Variants in NIBAN1 observed in about 807,000 individuals in gnomAD.
NIBAN1 encodes niban apoptosis regulator 1, also known as protein Niban 1.
Under a neutral mutation model 75.1 loss-of-function variants are expected in NIBAN1, and 81 were observed. That is an observed-to-expected ratio of 1.08 (90% CI 0.90 to 1.30). NIBAN1 has a LOEUF of 1.30. NIBAN1 is among the 50% of genes most tolerant of loss of function. The pLI, the probability that NIBAN1 is intolerant of heterozygous loss-of-function variation, is 0.00. For missense variants in NIBAN1, 1,133 were observed against 1,128.1 expected (o/e 1.00, Z -0.06); for synonymous variants, 436 against 424.8 (o/e 1.03, Z -0.32).
intron 1 of NIBAN1, among the ~76,000 whole-genome samples, chr1:184,952,298 G>A (rs903824886): frequency 1.3e-5 from 2 of 152,222 alleles, no homozygotes; most frequent in African/African-American, 4.8e-5. Flanking sequence ...CAGCTACTCA[G>A]GAGGCTGAGG....
chr1:184,918,174 C>A (rs1039670430), intron 1 of NIBAN1, among the ~76,000 whole-genome samples: 2 of 152,178 alleles, frequency 1.3e-5, no homozygotes, highest in Non-Finnish European at 2.9e-5. Context: ...TCAGAATCAT[C>A]CTTTTGGATC....
chr1:184,819,515 A>G (rs1654633433), intron 8 of NIBAN1, among the ~76,000 whole-genome samples: 1 of 152,214 alleles, frequency 6.6e-6, no homozygotes, highest in African/African-American at 2.4e-5. Context: ...TTTGATTTAG[A>G]AGAGGGAGAG....
chr1:184,899,593 G>A (rs534617524), intron 1 of NIBAN1, among the ~76,000 whole-genome samples: 33 of 152,012 alleles, frequency 2.2e-4, no homozygotes, highest in Non-Finnish European at 3.2e-4. Flanking sequence ...ACTAAATCCC[G>A]TAACCTATTG....
chr1:184,957,668 T>G (rs1658525030), intron 1 of NIBAN1, among the ~76,000 whole-genome samples: 1 of 152,194 alleles, frequency 6.6e-6, no homozygotes, highest in Non-Finnish European at 1.5e-5. Flanking sequence ...TTACATTATA[T>G]TATTCATTTC....
chr1:184,935,226 G>C (rs760196378), intron 1 of NIBAN1, among the ~76,000 whole-genome samples: 75 of 152,110 alleles, frequency 4.9e-4, no homozygotes, highest in Non-Finnish European at 9.6e-4. Flanking sequence ...TAAAAAATAA[G>C]ATCCGAGGCT....
At position 184,795,302 on chromosome 1, in the gene NIBAN1, G is replaced by T. The variant is rs145065110; in HGVS notation, c.2462C>A (p.Thr821Lys). The T allele has an allele frequency of 6.2e-7, 1 of 1,612,414 alleles. No individual in the cohort carries two copies. Among genetic ancestry groups the T allele is most frequent in the Admixed American group, 1.7e-5 (1 of 60,026 alleles). ...MEGELPGEAC[T>K]LTAHEGRGGK... is the part of the protein sequence containing the mutation. ...CCCTCTTCCTTCATGGGCAGTGAGT[G>T]TGCAGGCCTCTCCTGGGAGCTCCCC... Residue 821 changes from threonine to lysine, a missense_variant, in exon 14 of 14, where the codon ACA becomes AAA. Thr to Lys is a moderately conservative substitution (Grantham distance 78). Transcript: ENST00000367511.
At chr1:184,948,287 T>C (rs1658278733) in intron 1 of NIBAN1, among the ~76,000 whole-genome samples, 1 of 152,220 alleles carries the variant, frequency 6.6e-6, no homozygotes, top group South Asian at 2.1e-4. Flanking sequence ...AGCATATATG[T>C]ATTCATTTAT....
intron 5 of NIBAN1, among the ~76,000 whole-genome samples, chr1:184,863,985 G>A (rs971026895): frequency 6.6e-6 from 1 of 152,138 alleles, no homozygotes; most frequent in East Asian, 1.9e-4. Flanking sequence ...TTCAATAATT[G>A]GTTGCTAGTA....
chr1:184,970,116 G>A (rs1015194107), intron 1 of NIBAN1, among the ~76,000 whole-genome samples: 9 of 148,718 alleles, frequency 6.1e-5, no homozygotes, highest in African/African-American at 2.3e-4. Context: ...GCTGCAGTGA[G>A]CCATGACTGT....
At chr1:184,876,574 G>C (rs944100154) in intron 5 of NIBAN1, among the ~76,000 whole-genome samples, 1 of 151,694 alleles carries the variant, frequency 6.6e-6, no homozygotes, top group Non-Finnish European at 1.5e-5. Flanking sequence ...GGTAGTGTGC[G>C]CTTGTAATCC....
chr1:184,902,112 T>G (rs888935224), intron 1 of NIBAN1, among the ~76,000 whole-genome samples: 2 of 152,170 alleles, frequency 1.3e-5, no homozygotes, highest in South Asian at 4.2e-4. Flanking sequence ...CTCTTGCTTG[T>G]AAGCTAGCAC....
intron 2 of NIBAN1, among the ~76,000 whole-genome samples, chr1:184,898,026 A>C (rs1451674140): frequency 3.3e-5 from 5 of 151,962 alleles, no homozygotes; most frequent in Non-Finnish European, 5.9e-5. Flanking sequence ...TGTATTCAAT[A>C]CCCTCCAGTG....
intron 1 of NIBAN1, among the ~76,000 whole-genome samples, chr1:184,912,789 A>AAT (rs1373171373): frequency 2.0e-5 from 3 of 152,218 alleles, no homozygotes; most frequent in Non-Finnish European, 4.4e-5. Context: ...CAGCTTTTTC[A>AAT]TAGAGTCTCA....
intron 5 of NIBAN1, among the ~76,000 whole-genome samples, chr1:184,875,112 A>G (rs2102292696): frequency 6.6e-6 from 1 of 152,316 alleles, no homozygotes; most frequent in South Asian, 2.1e-4. Flanking sequence ...AAATATTTAA[A>G]TCCAAATGAT....
At chr1:184,809,102 T>C (rs1441872758) in intron 9 of NIBAN1, among the ~76,000 whole-genome samples, 1 of 152,132 alleles carries the variant, frequency 6.6e-6, no homozygotes, top group African/African-American at 2.4e-5. Context: ...TACATATGAA[T>C]AATATAAGAT....
rs189484982 is a variant in NIBAN1, at chr1:184,925,871, C to A, written c.56-26562G>T. Among the ~76,000 whole-genome samples the A allele has an allele frequency of 2.6e-3, 400 of 152,190 alleles. 2 individuals are homozygous for A. Among genetic ancestry groups the A allele is most frequent in the African/African-American group, 9.3e-3 (388 of 41,552 alleles). ...CTCAAGACGTGAGTAGTTTACACAC[C>A]ACAATTACAGTGTTATAATATTCTG... On this transcript the variant is annotated intron_variant, in intron 1 of 13. Transcript: ENST00000367511.
At chr1:184,945,622 T>C (rs1380796223) in intron 1 of NIBAN1, among the ~76,000 whole-genome samples, 1 of 152,186 alleles carries the variant, frequency 6.6e-6, no homozygotes, top group Non-Finnish European at 1.5e-5. Flanking sequence ...TAACATATTT[T>C]AAGTTAAAAG....
chr1:184,963,681 G>T (rs1364610562), intron 1 of NIBAN1, among the ~76,000 whole-genome samples: 1 of 151,974 alleles, frequency 6.6e-6, no homozygotes, highest in Non-Finnish European at 1.5e-5. Context: ...AAAGTGAAAG[G>T]CACCAATAAA....
At position 184,827,560 on chromosome 1, in the gene NIBAN1, G is replaced by GTTTTTTTTTTTTTTTT. The variant is rs58483276; in HGVS notation, c.718-3819_718-3818insAAAAAAAAAAAAAAAA. On this transcript the variant is annotated intron_variant, in intron 6 of 13. Coordinates refer to ENST00000367511, the MANE Select transcript of NIBAN1 (RefSeq NM_052966.4). ...ACATAAGTGACCTAAAAATACTTCA[G>GTTTTTTTTTTTTTTTT]TTTTTTTTTTTTTTAATGGGGGGTG... is the stretch of plus-strand genomic sequence containing the variant. 3.4e-4 allele frequency among the ~76,000 whole-genome samples: 40 copies of GTTTTTTTTTTTTTTTT among 117,670 alleles called. 1 individual carries two copies. The highest frequency in any genetic ancestry group is 1.4e-3 in the African/African-American group (36 of 26,078). The allele number at this position is 117,670 out of a possible 152,430, so 77.2% of individuals were successfully genotyped here. A position where few individuals can be genotyped will look rare whatever the true frequency, so the allele number is the denominator to read the frequency against.
Sources: gnomAD v4.1 joint callset for allele counts (sites outside exome capture counted in the v4.1 genomes callset) on GRCh38, gnomAD v4.1.1 for gene constraint, MANE v1.5 for transcripts, NCBI Gene and HGNC (gene_info 2026-07-23, HGNC 2026-07-21) for gene names.